COX7B2: variants seen among roughly 807,000 people sequenced by gnomAD.
COX7B2 encodes cytochrome c oxidase subunit 7B2.
For synonymous variants in COX7B2, 37 were observed against 32.1 expected, an observed-to-expected ratio of 1.15 and a Z score of -0.51; for missense variants, 109 against 95.9, an observed-to-expected ratio of 1.14 and a Z score of -0.57.
chr4:46,750,761 G>A (rs563607755), intron 2 of COX7B2, among the ~76,000 whole-genome samples: 30 of 152,188 alleles, frequency 2.0e-4, no homozygotes, highest in Non-Finnish European at 4.0e-4. Context: ...GTTGTTTCTA[G>A]TGAGGGCTCT....
intron 2 of COX7B2, among the ~76,000 whole-genome samples, chr4:46,839,726 C>T (rs1329232076): frequency 6.6e-6 from 1 of 151,996 alleles, no homozygotes; most frequent in Non-Finnish European, 1.5e-5. Flanking sequence ...TTCTATAGTA[C>T]ACTGTATTGC....
At chr4:46,845,362 C>G (rs1475229612) in intron 1 of COX7B2, among the ~76,000 whole-genome samples, 1 of 151,792 alleles carries the variant, frequency 6.6e-6, no homozygotes, top group Admixed American at 6.6e-5. Context: ...AAGGTTCTGG[C>G]CAAGGTTTGC....
intron 1 of COX7B2, among the ~76,000 whole-genome samples, chr4:46,899,960 C>T (rs907510212): frequency 6.6e-6 from 1 of 152,120 alleles, no homozygotes; most frequent in Non-Finnish European, 1.5e-5. Flanking sequence ...AAGCCCAAGC[C>T]TCCTTCAACA....
At chr4:46,751,430 C>A (rs867368176) in intron 2 of COX7B2, among the ~76,000 whole-genome samples, 1 of 151,972 alleles carries the variant, frequency 6.6e-6, no homozygotes, top group African/African-American at 2.4e-5. Context: ...TCACTTCTAG[C>A]AAAACATGTA....
chr4:46,745,492 ACTT>A (rs1184291039), intron 2 of COX7B2, among the ~76,000 whole-genome samples: 1 of 152,220 alleles, frequency 6.6e-6, no homozygotes, highest in Non-Finnish European at 1.5e-5. Flanking sequence ...CTTTAAAAAA[ACTT>A]TTAACAAGAT....
chr4:46,817,820 G>A lies in COX7B2; in HGVS notation c.-50+27140C>T, dbSNP rs556993050. 3.3e-5 allele frequency among the ~76,000 whole-genome samples: 5 copies of A among 152,282 alleles called. No homozygotes were observed. In the South Asian group the frequency reaches 1.0e-3, roughly 32 times the overall value. ...CTCAGTAGATTACAGTTTTGTTACTGAGAAGAGCTGGAGGGTCACCCTACT... is the reference window on the plus strand; with the variant it reads ...CTCAGTAGATTACAGTTTTGTTACTAAGAAGAGCTGGAGGGTCACCCTACT... On this transcript the variant is annotated intron_variant, in intron 2 of 2. Coordinates refer to ENST00000355591, the MANE Select transcript of COX7B2 (RefSeq NM_130902.3).
chr4:46,786,076 TAC>T (rs879805763), intron 2 of COX7B2, among the ~76,000 whole-genome samples: 10 of 151,754 alleles, frequency 6.6e-5, no homozygotes, highest in Admixed American at 3.9e-4. Flanking sequence ...TAAAAGAAAA[TAC>T]ACATTCTTTG....
At chr4:46,832,446 TC>T (rs1380060585) in intron 2 of COX7B2, among the ~76,000 whole-genome samples, 4 of 152,114 alleles carry the variant, frequency 2.6e-5, no homozygotes, top group Admixed American at 2.0e-4. Context: ...TCAAGCAACA[TC>T]AAGTTAAAAG....
intron 2 of COX7B2, among the ~76,000 whole-genome samples, chr4:46,798,935 C>A (rs900820388): frequency 5.3e-5 from 8 of 152,166 alleles, no homozygotes; most frequent in African/African-American, 1.9e-4. Context: ...AACTTGCACT[C>A]ACAAGCTCTT....
chr4:46,800,657 G>A (rs1222994953), intron 2 of COX7B2, among the ~76,000 whole-genome samples: 1 of 152,054 alleles, frequency 6.6e-6, no homozygotes, highest in Admixed American at 6.5e-5. Flanking sequence ...ATCCCTTGAA[G>A]AAAACCTGAG....
intron 2 of COX7B2, among the ~76,000 whole-genome samples, chr4:46,738,595 T>G (rs1329277597): frequency 6.6e-6 from 1 of 152,252 alleles, no homozygotes; most frequent in East Asian, 1.9e-4. Flanking sequence ...TTTTCCATAT[T>G]GTTTAAACCC....
At chr4:46,794,434 G>T (rs1000699460) in intron 2 of COX7B2, among the ~76,000 whole-genome samples, 1 of 152,084 alleles carries the variant, frequency 6.6e-6, no homozygotes, top group Middle Eastern at 3.2e-3. Flanking sequence ...GTATTCAAAG[G>T]CTTAGGAAGA....
chr4:46,864,923 C>A (rs989220040), intron 1 of COX7B2, among the ~76,000 whole-genome samples: 3 of 152,108 alleles, frequency 2.0e-5, no homozygotes, highest in Non-Finnish European at 2.9e-5. Context: ...GGGTTACAGG[C>A]GTAAGGCACC....
intron 1 of COX7B2, among the ~76,000 whole-genome samples, chr4:46,903,681 T>C (rs1720206109): frequency 2.0e-5 from 3 of 152,180 alleles, no homozygotes; most frequent in Admixed American, 1.3e-4. Flanking sequence ...TCCTTTGCTA[T>C]GTTTATATAT....
chr4:46,751,898 C>T (rs918659841), intron 2 of COX7B2, among the ~76,000 whole-genome samples: 4 of 146,554 alleles, frequency 2.7e-5, no homozygotes, highest in South Asian at 2.4e-4. Flanking sequence ...CTTGGCAATA[C>T]GGGCTCTTTT....
intron 1 of COX7B2, among the ~76,000 whole-genome samples, chr4:46,847,743 C>A (rs968504168): frequency 6.6e-6 from 1 of 151,892 alleles, no homozygotes; most frequent in Non-Finnish European, 1.5e-5. Context: ...AGAGGAAAAC[C>A]AAGAGAAAAG....
At chr4:46,756,876 G>C (rs1455708483) in intron 2 of COX7B2, among the ~76,000 whole-genome samples, 1 of 151,898 alleles carries the variant, frequency 6.6e-6, no homozygotes, top group East Asian at 1.9e-4. Flanking sequence ...AAACAAACTA[G>C]GTATTTCTCA....
intron 1 of COX7B2, among the ~76,000 whole-genome samples, chr4:46,907,902 G>A (rs1029683107): frequency 1.5e-5 from 2 of 130,152 alleles, no homozygotes; most frequent in Non-Finnish European, 3.1e-5. Context: ...TTTCCAGGCT[G>A]GAGTGAAATG....
intron 1 of COX7B2, among the ~76,000 whole-genome samples, chr4:46,861,944 G>A (rs1358277117): frequency 6.6e-6 from 1 of 152,068 alleles, no homozygotes; most frequent in Non-Finnish European, 1.5e-5. Flanking sequence ...TATCCAATTA[G>A]CCCCAGCCTA....
Sources: gnomAD v4.1 joint callset for allele counts (sites outside exome capture counted in the v4.1 genomes callset) on GRCh38, gnomAD v4.1.1 for gene constraint, MANE v1.5 for transcripts, NCBI Gene and HGNC (gene_info 2026-07-23, HGNC 2026-07-21) for gene names.